Variants in NRG3 observed in about 807,000 individuals in gnomAD.
NRG3 encodes neuregulin 3, also known as pro-neuregulin-3, membrane-bound isoform.
A neutral mutation model predicts 66.9 loss-of-function variants in NRG3; 31 were observed. The ratio of observed to expected loss-of-function variants is 0.46; its 90% confidence interval spans 0.35 to 0.63. NRG3 has a LOEUF of 0.63. Ranked by LOEUF, NRG3 falls within the 20% of genes least tolerant of loss-of-function variation. NRG3 has a pLI of 0.00. For missense variants in NRG3, 910 were observed against 878.9 expected (o/e 1.04, Z -0.45); for synonymous variants, 393 against 359.4 (o/e 1.09, Z -1.06).
At chr10:82,050,943 C>A (rs2063563327) in intron 1 of NRG3, among the ~76,000 whole-genome samples, 1 of 151,958 alleles carries the variant, frequency 6.6e-6, no homozygotes, top group South Asian at 2.1e-4. Context: ...AAGACACATT[C>A]TTTAACTTTA....
At chr10:82,277,014 C>T (rs928156281) in intron 1 of NRG3, among the ~76,000 whole-genome samples, 1 of 151,970 alleles carries the variant, frequency 6.6e-6, no homozygotes, top group Non-Finnish European at 1.5e-5. Flanking sequence ...TTTTCTCCCT[C>T]ATTATTGAAG....
intron 6 of NRG3, among the ~76,000 whole-genome samples, chr10:82,966,925 T>G (rs73313244): frequency 0.091 from 13,688 of 150,174 alleles, 814 homozygotes; most frequent in African/African-American, 0.16. Context: ...GTTTTCAGGG[T>G]TTTTTTTTGT....
intron 4 of NRG3, among the ~76,000 whole-genome samples, chr10:82,901,840 A>G (rs996348678): frequency 1.3e-5 from 2 of 152,184 alleles, no homozygotes; most frequent in African/African-American, 2.4e-5. Context: ...GGTTTGGAAG[A>G]CTTCAGATTT....
intron 2 of NRG3, among the ~76,000 whole-genome samples, chr10:82,612,989 C>T (rs2048403394): frequency 1.3e-5 from 2 of 152,086 alleles, no homozygotes; most frequent in South Asian, 4.1e-4. Flanking sequence ...GATTCTAGGT[C>T]CTCAGAATTT....
chr10:82,773,588 A>G (rs187126750), intron 3 of NRG3, among the ~76,000 whole-genome samples: 1 of 152,204 alleles, frequency 6.6e-6, no homozygotes, highest in East Asian at 1.9e-4. Flanking sequence ...TTTTTAGTTT[A>G]ATATAGATCC....
At chr10:82,489,469 G>A (rs1261250159) in intron 2 of NRG3, among the ~76,000 whole-genome samples, 2 of 152,166 alleles carry the variant, frequency 1.3e-5, no homozygotes, top group Non-Finnish European at 2.9e-5. Context: ...CAGAGCCTGG[G>A]TCATGGTAGG....
intron 3 of NRG3, among the ~76,000 whole-genome samples, chr10:82,744,724 A>G (rs1208485907): frequency 6.6e-6 from 1 of 152,150 alleles, no homozygotes; most frequent in African/African-American, 2.4e-5. Context: ...AATCTTATTA[A>G]TAGTTTGACA....
intron 2 of NRG3, among the ~76,000 whole-genome samples, chr10:82,675,795 A>G (rs1455576832): frequency 6.6e-6 from 1 of 152,276 alleles, no homozygotes; most frequent in East Asian, 1.9e-4. Context: ...CACTGCCATA[A>G]TTTTCTCACT....
intron 1 of NRG3, among the ~76,000 whole-genome samples, chr10:82,008,800 G>A (rs369042177): frequency 6.6e-6 from 1 of 152,178 alleles, no homozygotes; most frequent in Non-Finnish European, 1.5e-5. Flanking sequence ...AACATCACCA[G>A]GAAGAATGCA....
chr10:82,062,466 C>T (rs2064208725), intron 1 of NRG3, among the ~76,000 whole-genome samples: 2 of 152,000 alleles, frequency 1.3e-5, no homozygotes, highest in Admixed American at 6.6e-5. Flanking sequence ...ATTAGCTGTG[C>T]ATGGTGGTGT....
chr10:82,382,560 C>T (rs1298774989), intron 2 of NRG3, among the ~76,000 whole-genome samples: 3 of 151,872 alleles, frequency 2.0e-5, no homozygotes, highest in African/African-American at 7.3e-5. Context: ...GCCTGTAATC[C>T]TGCAATATAA....
intron 2 of NRG3, among the ~76,000 whole-genome samples, chr10:82,512,922 T>A (rs1341997720): frequency 6.6e-6 from 1 of 152,220 alleles, no homozygotes; most frequent in East Asian, 1.9e-4. Flanking sequence ...TATTTTATAA[T>A]ATTCCACTGC....
At chr10:82,349,570 C>A (rs1455722281) in intron 1 of NRG3, among the ~76,000 whole-genome samples, 1 of 152,020 alleles carries the variant, frequency 6.6e-6, no homozygotes, top group Non-Finnish European at 1.5e-5. Context: ...AGGCAGGCCT[C>A]CTTGAGCTGT....
chr10:82,114,419 A>G (rs2067571900), intron 1 of NRG3, among the ~76,000 whole-genome samples: 2 of 152,170 alleles, frequency 1.3e-5, no homozygotes, highest in Admixed American at 1.3e-4. Flanking sequence ...ACGTGCTAAA[A>G]AATTCAAATT....
At chr10:81,924,078 G>T (rs1157300482) in intron 1 of NRG3, among the ~76,000 whole-genome samples, 1 of 152,162 alleles carries the variant, frequency 6.6e-6, no homozygotes, top group African/African-American at 2.4e-5. Flanking sequence ...GACCCCGGTG[G>T]GATTAGTAGA....
At chr10:82,523,163 G>A (rs1846364668) in intron 2 of NRG3, among the ~76,000 whole-genome samples, 1 of 152,134 alleles carries the variant, frequency 6.6e-6, no homozygotes, top group Non-Finnish European at 1.5e-5. Context: ...TTCATCACTT[G>A]ATGGACATTT....
At chr10:82,715,322 C>T (rs147210550) in intron 2 of NRG3, among the ~76,000 whole-genome samples, 143 of 152,210 alleles carry the variant, frequency 9.4e-4, no homozygotes, top group Non-Finnish European at 1.6e-3. Flanking sequence ...CCCTTGAACC[C>T]GGAGGCAGAG....
intron 2 of NRG3, among the ~76,000 whole-genome samples, chr10:82,644,618 A>G (rs1203716340): frequency 6.6e-6 from 1 of 152,192 alleles, no homozygotes; most frequent in African/African-American, 2.4e-5. Flanking sequence ...CAATATTTAA[A>G]TGAATGTGCA....
At chr10:82,381,022 A>T (rs1410051032) in intron 2 of NRG3, among the ~76,000 whole-genome samples, 1 of 152,176 alleles carries the variant, frequency 6.6e-6, no homozygotes, top group Non-Finnish European at 1.5e-5. Context: ...AAAAAGCAAG[A>T]TTTGTAAGAA....
Sources: gnomAD v4.1 joint callset for allele counts (sites outside exome capture counted in the v4.1 genomes callset) on GRCh38, gnomAD v4.1.1 for gene constraint, MANE v1.5 for transcripts, NCBI Gene and HGNC (gene_info 2026-07-23, HGNC 2026-07-21) for gene names.